GGTA1: variants seen among roughly 807,000 people sequenced by gnomAD.
The protein encoded by GGTA1 is glycoprotein alpha-galactosyltransferase 1 (inactive).
In GGTA1, 5 loss-of-function variants were observed where a neutral mutation model predicts 2.6. That is an observed-to-expected ratio of 1.92 (90% CI 1.00 to 4.04). The LOEUF is 4.04. Ranked by LOEUF, GGTA1 falls within the 30% of genes most tolerant of loss-of-function variation. The probability of loss-of-function intolerance (pLI) is 0.00; values close to 1 mark genes in which losing one functional copy is unlikely to be tolerated. For synonymous variants in GGTA1, 17 were observed against 5.0 expected, an observed-to-expected ratio of 3.38 and a Z score of -3.19; for missense variants, 50 against 16.7, an observed-to-expected ratio of 2.99 and a Z score of -3.47.
chr9:121,456,478 T>C (rs959175663), intron 5 of GGTA1, among the ~76,000 whole-genome samples: 17 of 151,994 alleles, frequency 1.1e-4, no homozygotes, highest in Non-Finnish European at 2.4e-4. Context: ...AGTGCAATGG[T>C]GAGATCTTGG....
At chr9:121,497,484 C>T (rs891517032) in intron 1 of GGTA1, among the ~76,000 whole-genome samples, 8 of 152,066 alleles carry the variant, frequency 5.3e-5, no homozygotes, top group Admixed American at 2.0e-4. Flanking sequence ...CATTTAGTTG[C>T]TGAGTGCCCA....
intron 2 of GGTA1, among the ~76,000 whole-genome samples, chr9:121,464,947 C>T (rs930736109): frequency 1.3e-5 from 2 of 151,174 alleles, no homozygotes; most frequent in African/African-American, 2.4e-5. Context: ...TTTGTGTCCT[C>T]GGCTCACCTC....
At chr9:121,453,521 G>A (rs912667055), downstream of GGTA1, among the ~76,000 whole-genome samples, 3 of 152,228 alleles carry the variant, frequency 2.0e-5, no homozygotes, top group Non-Finnish European at 2.9e-5. Context: ...CATTTTCCCC[G>A]TTGGGAAGCA....
intron 1 of GGTA1, among the ~76,000 whole-genome samples, chr9:121,474,833 C>CAGGCTCCACCTCTCT (rs1554837383): frequency 6.6e-6 from 1 of 151,670 alleles, no homozygotes; most frequent in Non-Finnish European, 1.5e-5. Context: ...AAGCCTTCTC[C>CAGGCTCCACCTCTCT]GCAGGCTAAA....
chr9:121,446,247 C>G (rs959877545), exon 8 of GGTA1: 2 of 152,328 alleles, frequency 1.3e-5, no homozygotes, highest in Non-Finnish European at 2.9e-5. Flanking sequence ...ATGGCAAACT[C>G]ATGTCAAGGC....
chr9:121,476,961 C>A lies in GGTA1; in HGVS notation c.-9-9030G>T, dbSNP rs1828522391. The stretch of plus-strand genomic sequence containing the variant: ...CACCTAGGTCCCAGAAACAACCGGT[C>A]CCAGGTGGACCTTGTTGAGCACCTG... On this transcript the variant is annotated intron_variant, in intron 1 of 5. Coordinates refer to ENST00000481799, the MANE Select transcript of GGTA1 (RefSeq NM_001382585.1). This position sits in a 1 kb window ranked among gnomAD's most constrained non-coding sequence, Gnocchi z 4.6. Among the ~76,000 whole-genome samples the A allele has an allele frequency of 6.6e-6, 1 of 152,182 alleles. No individual in the cohort carries two copies. The highest frequency in any genetic ancestry group is 1.5e-5 in the Non-Finnish European group (1 of 68,038).
At chr9:121,470,979 G>T (rs1185233360) in intron 1 of GGTA1, among the ~76,000 whole-genome samples, 1 of 152,238 alleles carries the variant, frequency 6.6e-6, no homozygotes, top group Non-Finnish European at 1.5e-5. Context: ...TCTAGGCAGC[G>T]GGCAAGGTGA....
At chr9:121,470,882 A>G (rs1025921113) in intron 1 of GGTA1, among the ~76,000 whole-genome samples, 4 of 152,254 alleles carry the variant, frequency 2.6e-5, no homozygotes, top group African/African-American at 7.2e-5. Flanking sequence ...TTGAGTAATA[A>G]TAAAACTTCA....
At chr9:121,469,863 G>T (rs7045245) in intron 1 of GGTA1, among the ~76,000 whole-genome samples, 4 of 151,950 alleles carry the variant, frequency 2.6e-5, no homozygotes, top group Admixed American at 2.6e-4. Flanking sequence ...GGCCAGGTAC[G>T]GGACAACTAG....
intron 2 of GGTA1, among the ~76,000 whole-genome samples, chr9:121,465,303 C>T (rs1259803316): frequency 6.6e-6 from 1 of 152,250 alleles, no homozygotes; most frequent in Non-Finnish European, 1.5e-5. Flanking sequence ...TCCAAGCAGA[C>T]ATTCCGACTC....
In GGTA1 at chr9:121,495,686, C is replaced by A. The variant is rs151101131; in HGVS notation, c.-10+3964G>T. On this transcript the variant is annotated intron_variant, in intron 1 of 5. Transcript: ENST00000481799. ...GTAATCTCCTAATTACCCAATGCAA[C>A]TTCTAATCCTTATCTTCCTGGACTG... Among the ~76,000 whole-genome samples, 765 of 152,316 alleles carry A rather than the reference C, an allele frequency of 5.0e-3. 7 individuals carry two copies. Among genetic ancestry groups the A allele is most frequent in the African/African-American group, 0.017 (711 of 41,574 alleles).
chr9:121,484,431 C>T (rs1296393543), intron 1 of GGTA1, among the ~76,000 whole-genome samples: 2 of 151,880 alleles, frequency 1.3e-5, no homozygotes, highest in Admixed American at 1.3e-4. Flanking sequence ...TTACAGGTGC[C>T]CACTACCATG....
intron 1 of GGTA1, among the ~76,000 whole-genome samples, chr9:121,469,863 G>C (rs7045245): frequency 0.32 from 48,778 of 152,008 alleles, 8,122 homozygotes; most frequent in Middle Eastern, 0.4. Context: ...GGCCAGGTAC[G>C]GGACAACTAG....
At chr9:121,463,259 CAT>C (rs775770346) in intron 3 of GGTA1, 32 bp downstream of exon 3, 3 of 452,190 alleles carry the variant, frequency 6.6e-6, no homozygotes, top group Non-Finnish European at 1.3e-5. Flanking sequence ...CTGTGGGAAA[CAT>C]CCCCTAGAAA....
In GGTA1 at chr9:121,467,898, G is replaced by A. The variant is rs1339951517; in HGVS notation, c.25C>T (p.Leu9=). Residue 9 remains leucine, a synonymous_variant, in exon 2 of 6, where the codon CTG becomes TTG. Transcript: ENST00000481799. ...ACAGTTGAGACAACCAGCATTGACAGAATTACTTTTCCTTTGACATTCATT... is the reference window on the plus strand; with the variant it reads ...ACAGTTGAGACAACCAGCATTGACAAAATTACTTTTCCTTTGACATTCATT... The part of the protein sequence containing the change: MNVKGKVI[L]SMLVVSTVII... The A allele has an allele frequency of 1.3e-5, 6 of 456,038 alleles. No homozygotes were observed. Among genetic ancestry groups the A allele is most frequent in the Admixed American group, 9.4e-5 (4 of 42,476 alleles). 28.2% of individuals were successfully genotyped at this position (456,038 alleles called of 1,614,324 possible). A position where few individuals can be genotyped will look rare whatever the true frequency, so the allele number is the denominator to read the frequency against.
chr9:121,493,976 C>T (rs573171307), intron 1 of GGTA1, among the ~76,000 whole-genome samples: 65 of 152,104 alleles, frequency 4.3e-4, no homozygotes, highest in African/African-American at 1.2e-3. Flanking sequence ...AGGCTGGTCT[C>T]GAACTCCTGA....
intron 1 of GGTA1, among the ~76,000 whole-genome samples, chr9:121,480,588 A>G (rs895839169): frequency 2.6e-5 from 4 of 152,112 alleles, no homozygotes; most frequent in African/African-American, 9.7e-5. Flanking sequence ...GGAAGGAATC[A>G]AGGACTGGCC....
chr9:121,460,669 AC>A (rs1259882402), intron 4 of GGTA1, among the ~76,000 whole-genome samples: 1 of 152,064 alleles, frequency 6.6e-6, no homozygotes, highest in Non-Finnish European at 1.5e-5. Flanking sequence ...ACGTGGTGAA[AC>A]CCTGTCTCTA....
downstream of GGTA1, among the ~76,000 whole-genome samples, chr9:121,452,840 G>A (rs2064885334): frequency 6.6e-6 from 1 of 152,114 alleles, no homozygotes; most frequent in East Asian, 1.9e-4. Context: ...ATTTTGGGGG[G>A]CCCTTATGAG....
Sources: allele counts gnomAD v4.1 joint callset (sites outside exome capture counted in the v4.1 genomes callset), GRCh38; gene constraint gnomAD v4.1.1; non-coding constraint Gnocchi (gnomAD v3.1); transcripts MANE v1.5; gene names NCBI Gene and HGNC (gene_info 2026-07-23, HGNC 2026-07-21).